The following RIPOR3 variants were observed in gnomAD, a reference collection of about 807,000 sequenced individuals.
RIPOR3 encodes the protein family with sequence similarity 65 member C.
In RIPOR3, 95 loss-of-function variants were observed where a neutral mutation model predicts 114.3. The observed-to-expected ratio is 0.83, with a 90% CI of 0.70 to 0.99. The LOEUF (loss-of-function observed/expected upper bound fraction) is 0.99, where lower values mean the gene tolerates loss of function less well. Ranked by LOEUF, RIPOR3 falls within the 50% of genes least tolerant of loss-of-function variation. RIPOR3 has a pLI of 0.00. For missense variants in RIPOR3, 1,252 were observed against 1,266.9 expected (o/e 0.99, Z 0.18); for synonymous variants, 575 against 543.8 (o/e 1.06, Z -0.80).
At chr20:50,664,979 G>A (rs941526248) in intron 1 of RIPOR3, among the ~76,000 whole-genome samples, 1 of 152,256 alleles carries the variant, frequency 6.6e-6, no homozygotes, top group Non-Finnish European at 1.5e-5. Flanking sequence ...GCGCATGCCT[G>A]TAATCCCAGC....
At chr20:50,647,112 G>A (rs1442689439) in intron 1 of RIPOR3, among the ~76,000 whole-genome samples, 2 of 152,204 alleles carry the variant, frequency 1.3e-5, no homozygotes, top group Non-Finnish European at 2.9e-5. Context: ...TTGAGGTCAG[G>A]AGTTCAAGAC....
rs1315007116 is a variant in RIPOR3 at position 50,630,736 on chromosome 20, AC to A, written c.122+1del. The A allele has an allele frequency of 5.0e-6, 8 of 1,603,958 alleles. No homozygotes were observed. Among genetic ancestry groups the A allele is most frequent in the Admixed American group, 3.4e-5 (2 of 59,120 alleles). On this transcript the variant is annotated splice_donor_variant, in intron 2 of 21. Transcript: ENST00000327979. LOFTEE classifies it high-confidence loss of function. ...CCGAAACAGGACACGGGGGGAACTT[AC>A]GCGATCCTCCGGCTCTGTGCACTGC... is the stretch of plus-strand genomic sequence containing the variant.
In RIPOR3 at chr20:50,586,468, G is replaced by A. The variant is rs1435004394; in HGVS notation, c.*764C>T. ...ATCCTAGGGTAGCTTCCGAAGCTGG[G>A]TTGATTGATTGCATTTGGGTGCGGA... On this transcript the variant is annotated 3_prime_UTR_variant, in exon 22 of 22. Coordinates refer to ENST00000327979, the MANE Select transcript of RIPOR3 (RefSeq NM_001290268.2). The A allele has an allele frequency of 6.6e-6, 1 of 152,024 alleles. No homozygotes were observed. Among genetic ancestry groups the A allele is most frequent in the Non-Finnish European group, 1.5e-5 (1 of 68,122 alleles). 9.4% of individuals were successfully genotyped at this position (152,024 alleles called of 1,614,324 possible).
chr20:50,652,590 C>CAAAAAAAAAAAAAAAAAAAAAAAAAAAAA (rs11470456), intron 1 of RIPOR3, among the ~76,000 whole-genome samples: 2 of 87,324 alleles, frequency 2.3e-5, no homozygotes, highest in African/African-American at 8.4e-5. Flanking sequence ...GATTCTGTCT[C>CAAAAAAAAAAAAAAAAAAAAAAAAAAAAA]AAAAAAAAAA....
chr20:50,665,067 A>C (rs1021298050), intron 1 of RIPOR3, among the ~76,000 whole-genome samples: 12 of 152,278 alleles, frequency 7.9e-5, no homozygotes, highest in African/African-American at 2.4e-4. Flanking sequence ...ATGCCACTGC[A>C]TTCCAGCCTG....
At chr20:50,595,129 G>C in intron 16 of RIPOR3, 1 of 567,802 alleles carries the variant, frequency 1.8e-6, no homozygotes, top group Non-Finnish European at 3.1e-6. Context: ...CAGAGGCTCA[G>C]AGATGTGAAT....
At chr20:50,613,037 G>A (rs2084028808) in intron 4 of RIPOR3, among the ~76,000 whole-genome samples, 1 of 152,220 alleles carries the variant, frequency 6.6e-6, no homozygotes, top group Admixed American at 6.5e-5. Context: ...AGGTTACGGA[G>A]AGCTATGATC....
intron 12 of RIPOR3, among the ~76,000 whole-genome samples, chr20:50,603,049 T>C (rs1397607459): frequency 6.6e-6 from 1 of 152,210 alleles, no homozygotes; most frequent in African/African-American, 2.4e-5. Context: ...GACAGCCTTT[T>C]TTAAGTGGCA....
At chr20:50,650,175 AAG>A (rs1253412289) in intron 1 of RIPOR3, among the ~76,000 whole-genome samples, 1 of 152,118 alleles carries the variant, frequency 6.6e-6, no homozygotes. Flanking sequence ...GGGAAGAGGC[AAG>A]AGAACACTCT....
intron 20 of RIPOR3, among the ~76,000 whole-genome samples, chr20:50,589,328 G>A (rs13040582): frequency 5.1e-5 from 7 of 137,238 alleles, no homozygotes; most frequent in African/African-American, 1.9e-4. Context: ...TTTTTTTTAA[G>A]ATGGAGTCTT....
intron 1 of RIPOR3, among the ~76,000 whole-genome samples, chr20:50,681,249 A>G (rs974298667): frequency 8.2e-6 from 1 of 122,430 alleles, no homozygotes; most frequent in African/African-American, 2.9e-5. Flanking sequence ...AAAAGAAAAG[A>G]AAAGAAAAGA....
At chr20:50,597,806 C>G in intron 13 of RIPOR3, 96 bp from the exon 14 acceptor site, 2 of 1,493,046 alleles carry the variant, frequency 1.3e-6, no homozygotes, top group Non-Finnish European at 1.8e-6. Context: ...TGGGCAATGT[C>G]CCGGTCCCAA....
chr20:50,599,415 C>G (rs903616696), intron 13 of RIPOR3, among the ~76,000 whole-genome samples: 1 of 151,878 alleles, frequency 6.6e-6, no homozygotes, highest in Non-Finnish European at 1.5e-5. Context: ...AAAAAAAAAG[C>G]TATTTTTGAT....
chr20:50,615,887 A>T (rs542755248), intron 4 of RIPOR3, 115 bp downstream of exon 4: 16 of 973,636 alleles, frequency 1.6e-5, no homozygotes, highest in Non-Finnish European at 2.3e-5. Flanking sequence ...TATTCCATAA[A>T]CCTCTAGTTC....
intron 1 of RIPOR3, among the ~76,000 whole-genome samples, chr20:50,654,174 C>CT (rs1026195745): frequency 1.3e-4 from 20 of 150,750 alleles, no homozygotes; most frequent in Non-Finnish European, 2.1e-4. Context: ...TTTTTCTTTC[C>CT]TTTTTTTTTG....
chr20:50,650,271 C>T (rs1340794172), intron 1 of RIPOR3, among the ~76,000 whole-genome samples: 1 of 151,970 alleles, frequency 6.6e-6, no homozygotes, highest in Non-Finnish European at 1.5e-5. Flanking sequence ...AAGGCCCCAC[C>T]TCCTAATCAC....
chr20:50,629,886 C>T (rs1396714843), intron 2 of RIPOR3, among the ~76,000 whole-genome samples: 2 of 152,174 alleles, frequency 1.3e-5, no homozygotes, highest in Non-Finnish European at 2.9e-5. Flanking sequence ...AAGACCCAAC[C>T]CTGGGCCAGT....
In RIPOR3 at chr20:50,602,262, TG is replaced by T; in HGVS notation, c.1468del (p.His490ThrfsTer39). Reference sequence around the variant, plus strand: ...CTGGCTACTCGAGGCTGTGCCGCTGTGGAACAGGGAGCCCTGTGGCAGGCTG... The same window carrying T: ...CTGGCTACTCGAGGCTGTGCCGCTGTGAACAGGGAGCCCTGTGGCAGGCTG... ...SPSLPQGSLF[H>X]SGTASSSQNG... On this transcript the variant is annotated frameshift_variant, in exon 13 of 22. Coordinates refer to ENST00000327979, the MANE Select transcript of RIPOR3 (RefSeq NM_001290268.2). LOFTEE classifies it high-confidence loss of function. This position sits in a 1 kb window ranked among gnomAD's most constrained non-coding sequence, Gnocchi z 4.3. The T allele has an allele frequency of 6.2e-7, 1 of 1,613,986 alleles. No homozygotes were observed. Among genetic ancestry groups the T allele is most frequent in the Non-Finnish European group, 8.5e-7 (1 of 1,179,960 alleles).
chr20:50,683,804 G>T lies in RIPOR3; in HGVS notation c.3+7322C>A, dbSNP rs535602059. ...TTTTTAAAATTCTAGAGGAGGCCGG[G>T]TGCAGTGTCTCACACCTCTAATCTC... On this transcript the variant is annotated intron_variant, in intron 1 of 21. Coordinates refer to ENST00000327979, the MANE Select transcript of RIPOR3 (RefSeq NM_001290268.2). 1.1e-4 allele frequency among the ~76,000 whole-genome samples: 17 copies of T among 152,028 alleles called. No individual in the cohort carries two copies. In the East Asian group the frequency reaches 2.9e-3, roughly 26 times the overall value.
Sources: allele counts gnomAD v4.1 joint callset (sites outside exome capture counted in the v4.1 genomes callset), GRCh38; gene constraint gnomAD v4.1.1; non-coding constraint Gnocchi (gnomAD v3.1); transcripts MANE v1.5; gene names NCBI Gene and HGNC (gene_info 2026-07-23, HGNC 2026-07-21).